Variants in TRPM5 observed in about 807,000 individuals in gnomAD.
The protein encoded by TRPM5 is transient receptor potential cation channel subfamily M member 5, also known as MLSN1 and TRP-related.
Under a neutral mutation model 124.9 loss-of-function variants are expected in TRPM5, and 121 were observed. The observed-to-expected ratio is 0.97, with a 90% CI of 0.84 to 1.13. TRPM5 has a LOEUF of 1.13. Ranked by LOEUF, TRPM5 falls within the 50% of genes most tolerant of loss-of-function variation. TRPM5 has a pLI of 0.00. For synonymous variants in TRPM5, 781 were observed against 700.5 expected (o/e 1.11, Z -1.81); for missense variants, 1,643 against 1,589.1 (o/e 1.03, Z -0.58).
At position 2,416,028 on chromosome 11, in the gene TRPM5, TGGGCAGA is replaced by T. The variant is rs1437306142; in HGVS notation, c.1010-11_1010-5del. Reference sequence around the variant, plus strand: ...TCCTGGCTGTGGCTCTTGCAGGCTGTGGGCAGAGCAGGCAGGCACTGGTGAGGGTGGA... The same window carrying T: ...TCCTGGCTGTGGCTCTTGCAGGCTGTGCAGGCAGGCACTGGTGAGGGTGGA... On this transcript the variant is annotated splice_polypyrimidine_tract_variant and splice_region_variant and intron_variant, in intron 7 of 23. Transcript: ENST00000155858. 6.3e-7 allele frequency: 1 copy of T among 1,593,968 alleles called. No homozygotes were observed. The highest frequency in any genetic ancestry group is 1.3e-5 in the African/African-American group (1 of 74,792).
upstream of TRPM5, among the ~76,000 whole-genome samples, chr11:2,423,586 C>A (rs1565016412): frequency 6.6e-6 from 1 of 152,158 alleles, no homozygotes; most frequent in Non-Finnish European, 1.5e-5. Flanking sequence ...ACCTTCCTTG[C>A]CCAGGAGGTC....
At chr11:2,437,041 C>T in the TRPM5 span, among the ~76,000 whole-genome samples, 1 of 152,232 alleles carries the variant, frequency 6.6e-6, no homozygotes, top group African/African-American at 2.4e-5. The surrounding 1 kb of genome is among the most constrained non-coding windows in gnomAD (Gnocchi z 5.6). Flanking sequence ...CTCTACTCTG[C>T]CCCACTGCTT....
chr11:2,412,048 C>T, intron 16 of TRPM5, 87 bp downstream of exon 21: 1 of 1,202,562 alleles, frequency 8.3e-7, no homozygotes. Context: ...ACCACAAGTG[C>T]CACCGCCACA....
Position 2,414,047 on chromosome 11 carries a change from C to T in TRPM5, c.1890+14G>A, listed in dbSNP as rs748952772. On this transcript the variant is annotated intron_variant, in intron 12 of 23. Transcript: ENST00000155858. ...ACCCCCTGGCAGCTCTCCTCGAGGACAGCTGGCACTCACCTGAACGCCGTC... is the reference window on the plus strand; with the variant it reads ...ACCCCCTGGCAGCTCTCCTCGAGGATAGCTGGCACTCACCTGAACGCCGTC... 1.2e-5 allele frequency: 17 copies of T among 1,472,874 alleles called. No individual in the cohort carries two copies. In the South Asian group the frequency reaches 1.9e-4, roughly 17 times the overall value. The allele number at this position is 1,472,874 out of a possible 1,614,324, so 91.2% of individuals were successfully genotyped here.
Position 2,417,297 on chromosome 11 carries a change from A to G in TRPM5, c.1009+430T>C, listed in dbSNP as rs373615508. Among the ~76,000 whole-genome samples the G allele has an allele frequency of 1.3e-3, 192 of 152,226 alleles. 7 individuals carry two copies. The South Asian group carries it at 0.038, about 30-fold the overall frequency. ...AAACCCCGTCTCTACTAAAAATACAAAAACAAAATTAGCCGGGCATGGTGG... is the reference window on the plus strand; with the variant it reads ...AAACCCCGTCTCTACTAAAAATACAGAAACAAAATTAGCCGGGCATGGTGG... On this transcript the variant is annotated intron_variant, in intron 7 of 23. Transcript: ENST00000155858.
At chr11:2,422,828 G>T (rs1038957062) in intron 1 of TRPM5, 92 bp downstream of exon 6, 2 of 1,096,324 alleles carry the variant, frequency 1.8e-6, no homozygotes, top group Non-Finnish European at 2.8e-6. Flanking sequence ...GGGTGAGGAG[G>T]ACCCTGGCAC....
intron 12 of TRPM5, 52 bp downstream of exon 17, chr11:2,414,009 G>GGGGCCCCCCCCCCCCCCCC: frequency 4.5e-5 from 46 of 1,023,632 alleles, no homozygotes; most frequent in East Asian, 8.5e-5. Context: ...GGCCCAGCTC[G>GGGGCCCCCCCCCCCCCCCC]CCCGCCCACC....
At chr11:2,424,752 AC>A (rs1235050021), upstream of TRPM5, among the ~76,000 whole-genome samples, 1 of 152,146 alleles carries the variant, frequency 6.6e-6, no homozygotes, top group Non-Finnish European at 1.5e-5. Context: ...GGCCTCCAGA[AC>A]CATGAGAGAA....
At chr11:2,440,771 T>C in the TRPM5 span, among the ~76,000 whole-genome samples, 32,940 of 152,172 alleles carry the variant, frequency 0.22, 5,267 homozygotes, top group African/African-American at 0.44. The surrounding 1 kb of genome is among the most constrained non-coding windows in gnomAD (Gnocchi z 5.2). Flanking sequence ...ATTGAATGAA[T>C]GAATAGGTAG....
chr11:2,422,155 G>A (rs1291214153), exon 2 of TRPM5: 9 of 1,607,754 alleles, frequency 5.6e-6, no homozygotes, highest in Admixed American at 3.4e-5. Flanking sequence ...GCTCTGAGCC[G>A]CCTTCACCAG....
At chr11:2,407,186 G>A (rs1354432335) in exon 20 of TRPM5, 3 of 1,611,366 alleles carry the variant, frequency 1.9e-6, no homozygotes, top group Admixed American at 1.7e-5. Context: ...TCAGGTGGCT[G>A]AGCAGGATGA....
intron 15 of TRPM5, 120 bp downstream of exon 20, chr11:2,412,634 C>T: frequency 9.1e-7 from 1 of 1,097,906 alleles, no homozygotes; most frequent in South Asian, 1.7e-5. Context: ...AGATGGGAGG[C>T]CCCCATGCTG....
chr11:2,426,302 G>GC (rs756315547), upstream of TRPM5, among the ~76,000 whole-genome samples: 13 of 152,106 alleles, frequency 8.5e-5, no homozygotes, highest in Non-Finnish European at 1.3e-4. Context: ...GGTGCCCCCC[G>GC]CCCCCGCCGG....
In TRPM5 at chr11:2,422,992, A is replaced by C. The variant is rs200485472; in HGVS notation, c.45T>G (p.Ala15=). 24 of 1,612,950 alleles carry C rather than the reference A, an allele frequency of 1.5e-5. No individual in the cohort carries two copies. In the East Asian group the frequency reaches 4.9e-4, roughly 33 times the overall value. The change falls in exon 1 of 24, where the codon GCT becomes GCG. Residue 15 remains alanine (A), a synonymous_variant. Coordinates refer to ENST00000155858, the Ensembl canonical transcript of TRPM5. ...GCAAGCCCAGCTCCCGCCGGTCTTC[A>C]GCATCCCCGGGGCTTCCGGGACGGG... is the stretch of plus-strand genomic sequence containing the variant.
chr11:2,417,724 C>T lies in TRPM5; in HGVS notation c.1009+3G>A. 1.9e-6 allele frequency: 3 copies of T among 1,572,822 alleles called. No individual in the cohort carries two copies. Among genetic ancestry groups the T allele is most frequent in the Non-Finnish European group, 2.6e-6 (3 of 1,154,830 alleles). ...CTGCCTTGCCCACCCTGCCCGCCCT[C>T]ACCTTTCACCAGCGCCTTCAGGATG... is the stretch of plus-strand genomic sequence containing the variant. On this transcript the variant is annotated splice_donor_region_variant and intron_variant, in intron 7 of 23. Transcript: ENST00000155858.
chr11:2,416,157 A>G (rs1180765810), intron 7 of TRPM5, 133 bp from the exon 13 acceptor site: 2 of 621,124 alleles, frequency 3.2e-6, no homozygotes, highest in Admixed American at 2.6e-5. Context: ...GAGGGGGCAC[A>G]TGCGCCACCT....
intron 12 of TRPM5, 102 bp downstream of exon 17, chr11:2,413,959 G>C (rs749661620): frequency 2.3e-5 from 34 of 1,474,976 alleles, no homozygotes; most frequent in Non-Finnish European, 3.0e-5. Flanking sequence ...GAGGACGGGA[G>C]TGACAGGGCA....
At chr11:2,431,210 T>G in the TRPM5 span, among the ~76,000 whole-genome samples, 1 of 151,990 alleles carries the variant, frequency 6.6e-6, no homozygotes, top group Non-Finnish European at 1.5e-5. Flanking sequence ...AGAACTTGGC[T>G]CTGAGCAAAT....
At chr11:2,405,630 T>C (rs377057927) in intron 22 of TRPM5, 37 bp from the exon 28 acceptor site, 1 of 1,549,544 alleles carries the variant, frequency 6.5e-7, no homozygotes. Flanking sequence ...GCTCCAGGGC[T>C]CTCTCAGGAC....
Sources: gnomAD v4.1 joint callset for allele counts (sites outside exome capture counted in the v4.1 genomes callset) on GRCh38, gnomAD v4.1.1 for gene constraint, Gnocchi (gnomAD v3.1) non-coding constraint, MANE v1.5 for transcripts, NCBI Gene and HGNC (gene_info 2026-07-23, HGNC 2026-07-21) for gene names.